The following ENOSF1 variants were observed in gnomAD, a reference collection of about 807,000 sequenced individuals.
ENOSF1 encodes the protein mitochondrial enolase superfamily member 1.
In ENOSF1, 73 loss-of-function variants were observed where a neutral mutation model predicts 68.2. The ratio of observed to expected loss-of-function variants is 1.07; its 90% confidence interval spans 0.89 to 1.30. The LOEUF is 1.30. Among genes scored for constraint, ENOSF1 ranks in the 50% most tolerant of loss-of-function variants. The pLI is 0.00. For synonymous variants in ENOSF1, 223 were observed against 210.4 expected, an observed-to-expected ratio of 1.06 and a Z score of -0.52; for missense variants, 589 against 554.5, an observed-to-expected ratio of 1.06 and a Z score of -0.62.
chr18:694,515 C>T (rs1221391073), intron 3 of ENOSF1, among the ~76,000 whole-genome samples, 181 bp from the exon 4 acceptor site: 1 of 151,850 alleles, frequency 6.6e-6, no homozygotes, highest in Non-Finnish European at 1.5e-5. Flanking sequence ...CCTGTAGTCC[C>T]TACTCAGGAG....
chr18:666,919 G>GGC, downstream of ENOSF1, among the ~76,000 whole-genome samples: 1 of 71,722 alleles, frequency 1.4e-5, no homozygotes, highest in African/African-American at 4.3e-5. Context: ...TGATGGTGAT[G>GGC]GAGATGGTGA....
At chr18:710,063 T>A (rs918945402) in intron 1 of ENOSF1, among the ~76,000 whole-genome samples, 6 of 152,180 alleles carry the variant, frequency 3.9e-5, no homozygotes, top group African/African-American at 1.4e-4. Flanking sequence ...GTGTTAGACA[T>A]CACTCAGGCC....
chr18:699,917 T>C (rs533587325), intron 2 of ENOSF1, among the ~76,000 whole-genome samples: 4 of 152,206 alleles, frequency 2.6e-5, no homozygotes, highest in African/African-American at 9.6e-5. Flanking sequence ...CCATCTCTAC[T>C]AAAAATACAA....
intron 9 of ENOSF1, chr18:686,732 C>G (rs1016047906): frequency 6.6e-6 from 1 of 152,300 alleles, no homozygotes; most frequent in Admixed American, 6.5e-5. Flanking sequence ...GGAGGGGACA[C>G]CACCACGGGG....
chr18:704,536 C>A (rs867490832), intron 2 of ENOSF1, among the ~76,000 whole-genome samples: 1 of 149,854 alleles, frequency 6.7e-6, no homozygotes, highest in Non-Finnish European at 1.5e-5. Context: ...GCACTATGAT[C>A]ATTTCTTTTA....
intron 1 of ENOSF1, chr18:706,801 GTA>G (rs1555673646): frequency 3.4e-4 from 51 of 151,184 alleles, no homozygotes; most frequent in Non-Finnish European, 5.5e-4. Context: ...AGCAATGTAT[GTA>G]TATATATATA....
intron 5 of ENOSF1, chr18:692,924 T>G: frequency 8.5e-7 from 1 of 1,175,492 alleles, no homozygotes. Context: ...AAGGCCATGG[T>G]GTTCTTTGTT....
Position 683,387 on chromosome 18 carries a change from A to G in ENOSF1, c.742-7T>C. 6.2e-7 allele frequency: 1 copy of G among 1,613,970 alleles called. No homozygotes were observed. The highest frequency in any genetic ancestry group is 8.5e-7 in the Non-Finnish European group (1 of 1,179,976). On this transcript the variant is annotated splice_region_variant and splice_polypyrimidine_tract_variant and intron_variant, in intron 10 of 15. Coordinates refer to ENST00000647584, the MANE Select transcript of ENOSF1 (RefSeq NM_017512.7). ...GCTGGTTGGCATCCATCATCTGCAA[A>G]AAGAGACTCTTCACAGGGAGGTCAG... is the stretch of plus-strand genomic sequence containing the variant.
At chr18:711,914 T>C (rs1171181983) in intron 1 of ENOSF1, among the ~76,000 whole-genome samples, 1 of 152,104 alleles carries the variant, frequency 6.6e-6, no homozygotes, top group Admixed American at 6.5e-5. Flanking sequence ...GGTCTGGAAC[T>C]TCTCCAAGTC....
intron 5 of ENOSF1, 26 bp from the exon 6 acceptor site, chr18:691,302 G>A (rs1331327911): frequency 6.3e-7 from 1 of 1,575,844 alleles, no homozygotes; most frequent in Admixed American, 1.8e-5. Context: ...GAGGGGAAGA[G>A]GCCTGAATCA....
In ENOSF1 at chr18:672,612, C is replaced by T. The variant is rs2075112914; in HGVS notation, c.*1693G>A. The T allele has an allele frequency of 6.1e-6, 2 of 328,142 alleles. No individual in the cohort carries two copies. Among genetic ancestry groups the T allele is most frequent in the African/African-American group, 2.1e-5 (1 of 47,938 alleles). The allele number at this position is 328,142 out of a possible 1,614,324, so 20.3% of individuals were successfully genotyped here. A position where few individuals can be genotyped will look rare whatever the true frequency, so the allele number is the denominator to read the frequency against. Reference sequence around the variant, plus strand: ...CAAGAGTGGTTATAAGAACTTACACCTGATGAGGCACCAGGCTCCTGATGC... The same window carrying T: ...CAAGAGTGGTTATAAGAACTTACACTTGATGAGGCACCAGGCTCCTGATGC... On this transcript the variant is annotated 3_prime_UTR_variant, in exon 16 of 16. Coordinates refer to ENST00000647584, the MANE Select transcript of ENOSF1 (RefSeq NM_017512.7).
chr18:699,318 C>T (rs1054468794), intron 2 of ENOSF1, among the ~76,000 whole-genome samples: 3 of 151,824 alleles, frequency 2.0e-5, no homozygotes, highest in South Asian at 2.1e-4. Flanking sequence ...AAAAATTAGC[C>T]GGTTGCGGTG....
intron 15 of ENOSF1, 113 bp downstream of exon 15, chr18:675,208 A>G (rs2075357158): frequency 1.3e-6 from 1 of 798,104 alleles, no homozygotes; most frequent in Non-Finnish European, 2.1e-6. Context: ...TTGTTAGTGG[A>G]TATTGCAAAC....
At chr18:697,465 T>G in intron 2 of ENOSF1, 110 bp from the exon 3 acceptor site, 1 of 910,656 alleles carries the variant, frequency 1.1e-6, no homozygotes, top group Non-Finnish European at 1.7e-6. Flanking sequence ...AAAAATTAAA[T>G]CTAGGCCAGG....
chr18:665,049 G>A, the ENOSF1 span, among the ~76,000 whole-genome samples: 10 of 152,096 alleles, frequency 6.6e-5, no homozygotes, highest in African/African-American at 1.9e-4. Context: ...AGTTAGGGAG[G>A]ATTCCCTCTT....
intron 14 of ENOSF1, among the ~76,000 whole-genome samples, chr18:676,653 T>C (rs1202250495): frequency 6.6e-6 from 1 of 152,204 alleles, no homozygotes; most frequent in African/African-American, 2.4e-5. Flanking sequence ...AGTGCAAGAA[T>C]AGACTAATAC....
At chr18:669,006 T>TAG (rs2074922352), downstream of ENOSF1, 54 of 1,359,528 alleles carry the variant, frequency 4.0e-5, no homozygotes, top group Non-Finnish European at 5.6e-5. Flanking sequence ...AGATGACCTC[T>TAG]AAGGCCATCT....
rs192006473 is a variant in ENOSF1 at position 670,473 on chromosome 18, G to A, written c.*3832C>T. 6.6e-5 allele frequency: 36 copies of A among 546,564 alleles called. No individual in the cohort carries two copies. Among genetic ancestry groups the A allele is most frequent in the Admixed American group, 2.3e-4 (7 of 30,320 alleles). 33.9% of individuals were successfully genotyped at this position (546,564 alleles called of 1,614,324 possible). ...CTGATGGAAGAGCATTGCTTCAGCC[G>A]TAAATGGACACCTGCAGAAACCTTG... On this transcript the variant is annotated 3_prime_UTR_variant, in exon 16 of 16. Coordinates refer to ENST00000647584, the MANE Select transcript of ENOSF1 (RefSeq NM_017512.7).
At chr18:708,320 T>C (rs138433490) in intron 1 of ENOSF1, among the ~76,000 whole-genome samples, 1 of 152,188 alleles carries the variant, frequency 6.6e-6, no homozygotes, top group African/African-American at 2.4e-5. Context: ...TCAGAGCTGG[T>C]GCAGCTTGCT....
Sources: allele counts gnomAD v4.1 joint callset (sites outside exome capture counted in the v4.1 genomes callset), GRCh38; gene constraint gnomAD v4.1.1; transcripts MANE v1.5; gene names NCBI Gene and HGNC (gene_info 2026-07-23, HGNC 2026-07-21).